The following PRKCZ variants were observed in gnomAD, a reference collection of about 807,000 sequenced individuals.
PRKCZ encodes protein kinase C zeta.
In PRKCZ, 33 loss-of-function variants were observed where a neutral mutation model predicts 79.5. That is an observed-to-expected ratio of 0.41 (90% CI 0.31 to 0.55). The LOEUF (loss-of-function observed/expected upper bound fraction) is 0.55, where lower values mean the gene tolerates loss of function less well. Among genes scored for constraint, PRKCZ ranks in the 20% least tolerant of loss-of-function variants. The pLI, the probability that PRKCZ is intolerant of heterozygous loss-of-function variation, is 0.19. For synonymous variants in PRKCZ, 342 were observed against 320.9 expected (o/e 1.07, Z -0.70); for missense variants, 578 against 813.5 (o/e 0.71, Z 3.52).
chr1:2,169,474 G>C (rs368127161), intron 10 of PRKCZ, 44 bp from the exon 11 acceptor site: 1 of 1,522,682 alleles, frequency 6.6e-7, no homozygotes, highest in African/African-American at 1.4e-5. Flanking sequence ...GGAGGCCGCC[G>C]TCTGCCGAGG....
chr1:2,098,287 C>G (rs1666875284), intron 4 of PRKCZ: 1 of 152,236 alleles, frequency 6.6e-6, no homozygotes, highest in Non-Finnish European at 1.5e-5. Context: ...GCTCAGAATT[C>G]ATTATACTTA....
intron 4 of PRKCZ, among the ~76,000 whole-genome samples, chr1:2,092,510 C>T (rs556158839): frequency 2.0e-5 from 3 of 152,304 alleles, no homozygotes; most frequent in South Asian, 4.1e-4. Context: ...AGGCCTCAGG[C>T]AAAGGAAAAC....
intron 1 of PRKCZ, 42 bp downstream of exon 1, chr1:2,050,743 G>A: frequency 9.5e-7 from 1 of 1,049,702 alleles, no homozygotes; most frequent in Non-Finnish European, 1.2e-6. Flanking sequence ...GGTGAGGCAG[G>A]GAGGGCGGGG....
intron 4 of PRKCZ, among the ~76,000 whole-genome samples, chr1:2,120,603 G>A (rs1185222018): frequency 6.6e-6 from 1 of 151,454 alleles, no homozygotes; most frequent in Admixed American, 6.6e-5. Flanking sequence ...GCCAGCCCTT[G>A]GCTTTTCAAA....
Position 2,175,258 on chromosome 1 carries a change from CTG to C in PRKCZ, c.1521_1522del (p.Gly508IlefsTer3). On this transcript the variant is annotated frameshift_variant, in exon 16 of 18. Transcript: ENST00000378567. LOFTEE classifies it high-confidence loss of function. ...GAGAGGCTCGGCTGCCGGCCACAGA[CTG>C]GATTTTCTGACATCAAGTCCCACGC... 1 of 1,613,846 alleles carries C rather than the reference CTG, an allele frequency of 6.2e-7. No individual in the cohort carries two copies. The highest frequency in any genetic ancestry group is 8.5e-7 in the Non-Finnish European group (1 of 1,179,936).
At chr1:2,060,387 G>T (rs560693414) in intron 4 of PRKCZ, among the ~76,000 whole-genome samples, 1 of 152,384 alleles carries the variant, frequency 6.6e-6, no homozygotes, top group South Asian at 2.1e-4. Context: ...GGAACTGGGG[G>T]TGGGAGCAGA....
At chr1:2,073,089 T>TA (rs1661758579) in intron 4 of PRKCZ, among the ~76,000 whole-genome samples, 1 of 152,018 alleles carries the variant, frequency 6.6e-6, no homozygotes. Flanking sequence ...TGGGTCTCCC[T>TA]AGGAGCCCGG....
At chr1:2,103,919 G>T (rs535835732) in intron 4 of PRKCZ, among the ~76,000 whole-genome samples, 1 of 152,210 alleles carries the variant, frequency 6.6e-6, no homozygotes, top group Non-Finnish European at 1.5e-5. Flanking sequence ...TGGCCTGGAC[G>T]CCAGCTGTTC....
intron 16 of PRKCZ, 37 bp from the exon 17 acceptor site, chr1:2,184,546 C>T (rs772971154): frequency 1.1e-5 from 17 of 1,531,510 alleles, no homozygotes; most frequent in African/African-American, 5.5e-5. Flanking sequence ...GGATGATGCC[C>T]GCGCGGAGCT....
chr1:2,167,654 A>T (rs1683603810), intron 10 of PRKCZ, among the ~76,000 whole-genome samples: 1 of 151,976 alleles, frequency 6.6e-6, no homozygotes, highest in Non-Finnish European at 1.5e-5. Flanking sequence ...CCCAGGCTGG[A>T]GTGCAGTGGC....
intron 1 of PRKCZ, among the ~76,000 whole-genome samples, chr1:2,053,586 G>T (rs1195511073): frequency 1.3e-5 from 2 of 152,168 alleles, no homozygotes; most frequent in Admixed American, 6.5e-5. Context: ...GGTTGGAGGT[G>T]GTGGCCTGAC....
At chr1:2,054,969 GTC>G (rs1196527317) in intron 1 of PRKCZ, among the ~76,000 whole-genome samples, 1 of 147,534 alleles carries the variant, frequency 6.8e-6, no homozygotes, top group African/African-American at 2.5e-5. Context: ...TTAATACGGA[GTC>G]TCTCTCTGTC....
intron 16 of PRKCZ, among the ~76,000 whole-genome samples, chr1:2,180,579 CTGGACGCACGGACGACG>C (rs1472780810): frequency 2.7e-5 from 4 of 150,312 alleles, no homozygotes; most frequent in Admixed American, 6.6e-5. Context: ...CACAGATGAC[CTGGACGCACGGACGACG>C]TGGACGCACG....
chr1:2,167,525 A>G (rs1683575522), intron 10 of PRKCZ, among the ~76,000 whole-genome samples: 1 of 152,148 alleles, frequency 6.6e-6, no homozygotes, highest in Admixed American at 6.5e-5. Context: ...GGAAGGGACC[A>G]GCACCCATTG....
At position 2,094,407 on chromosome 1, in the gene PRKCZ, G is replaced by A. The variant is rs572818190; in HGVS notation, c.334+34816G>A. Among the ~76,000 whole-genome samples the A allele has an allele frequency of 1.4e-3, 210 of 151,700 alleles. 3 individuals are homozygous for A. The highest frequency in any genetic ancestry group is 4.5e-3 in the African/African-American group (187 of 41,314). Reference sequence around the variant, plus strand: ...CCATTCTGAGGCGCCCGCTGTGCCCGGCTCGTTGAACCTTGGGCGCTGCCC... The same window carrying A: ...CCATTCTGAGGCGCCCGCTGTGCCCAGCTCGTTGAACCTTGGGCGCTGCCC... On this transcript the variant is annotated intron_variant, in intron 4 of 17. Coordinates refer to ENST00000378567, the MANE Select transcript of PRKCZ (RefSeq NM_002744.6). The surrounding 1 kb of genome is among the most constrained non-coding windows in gnomAD (Gnocchi z 7.3).
chr1:2,115,163 C>T (rs1301587306), intron 4 of PRKCZ, among the ~76,000 whole-genome samples: 1 of 152,264 alleles, frequency 6.6e-6, no homozygotes, highest in Admixed American at 6.5e-5. Context: ...TGGGTGTGGC[C>T]GCTCAGTCGG....
Position 2,171,227 on chromosome 1 carries a change from T to C in PRKCZ, c.1062-828T>C, listed in dbSNP as rs897408414. On this transcript the variant is annotated intron_variant, in intron 11 of 17. Coordinates refer to ENST00000378567, the MANE Select transcript of PRKCZ (RefSeq NM_002744.6). Reference sequence around the variant, plus strand: ...GTGTGGTGGCGGGCGCCTGTAGTCCTAGCTACTCGGGAGGCTGAGGCAGGA... The same window carrying C: ...GTGTGGTGGCGGGCGCCTGTAGTCCCAGCTACTCGGGAGGCTGAGGCAGGA... Among the ~76,000 whole-genome samples, 19 of 149,852 alleles carry C rather than the reference T, an allele frequency of 1.3e-4. No homozygotes were observed. In the East Asian group the frequency reaches 3.8e-3, roughly 30 times the overall value.
chr1:2,181,770 G>A (rs924168894), intron 16 of PRKCZ: 2 of 454,128 alleles, frequency 4.4e-6, no homozygotes, highest in Non-Finnish European at 8.8e-6. Flanking sequence ...TTGTAAAGCA[G>A]CACAGGACTA....
chr1:2,071,711 T>C (rs914080286), intron 4 of PRKCZ, among the ~76,000 whole-genome samples: 3 of 152,232 alleles, frequency 2.0e-5, no homozygotes, highest in African/African-American at 7.2e-5. Flanking sequence ...GTGGTCGTGC[T>C]GCTGAGCCGG....
Sources: gnomAD v4.1 joint callset for allele counts (sites outside exome capture counted in the v4.1 genomes callset) on GRCh38, gnomAD v4.1.1 for gene constraint, Gnocchi (gnomAD v3.1) non-coding constraint, MANE v1.5 for transcripts, NCBI Gene and HGNC (gene_info 2026-07-23, HGNC 2026-07-21) for gene names.